The following MED12L variants were observed in gnomAD, a reference collection of about 807,000 sequenced individuals.
MED12L encodes the protein mediator of RNA polymerase II transcription subunit 12-like protein.
In MED12L, 60 loss-of-function variants were observed where a neutral mutation model predicts 281.3. The ratio of observed to expected loss-of-function variants is 0.21; its 90% CI spans 0.17 to 0.26. The LOEUF (loss-of-function observed/expected upper bound fraction) is 0.26. MED12L is among the 10% of genes least tolerant of loss of function. The pLI, the probability that MED12L is intolerant of heterozygous loss-of-function variation, is 1.00. For missense variants in MED12L, 2,146 were observed against 2,680.9 expected, an observed-to-expected ratio of 0.80 and a Z score of 4.41; for synonymous variants, 974 against 987.2, an observed-to-expected ratio of 0.99 and a Z score of 0.25.
At chr3:151,328,260 CAAA>C in intron 16 of MED12L, 1 of 1,613,966 alleles carries the variant, frequency 6.2e-7, no homozygotes, top group Non-Finnish European at 8.5e-7. Context: ...GCAAAACACA[CAAA>C]GAAGACAGCC....
chr3:151,225,679 G>A (rs764778187), intron 16 of MED12L, among the ~76,000 whole-genome samples: 3 of 152,114 alleles, frequency 2.0e-5, no homozygotes, highest in East Asian at 1.9e-4. Context: ...ACTCTTGTCC[G>A]TGCCCTGTCT....
intron 17 of MED12L, 133 bp downstream of exon 17, chr3:151,350,339 T>C (rs1753066427): frequency 1.4e-5 from 10 of 726,448 alleles, no homozygotes; most frequent in East Asian, 2.9e-5. Flanking sequence ...CATTGAAATG[T>C]GAACAAGCAC....
chr3:151,184,949 C>CAGTA (rs1486442989), intron 11 of MED12L, among the ~76,000 whole-genome samples: 1 of 152,136 alleles, frequency 6.6e-6, no homozygotes, highest in Non-Finnish European at 1.5e-5. Context: ...AGGGTGCCAA[C>CAGTA]AGTAGAGTGA....
At chr3:151,425,620 G>C (rs1043734922) in intron 43 of MED12L, 5 of 456,058 alleles carry the variant, frequency 1.1e-5, no homozygotes, top group Non-Finnish European at 2.2e-5. Flanking sequence ...GTATTTCCTG[G>C]AGAAGTGGTT....
At chr3:151,151,030 G>GTTTTTTTTTTTTT (rs1342933481) in intron 5 of MED12L, among the ~76,000 whole-genome samples, 7 of 11,802 alleles carry the variant, frequency 5.9e-4, no homozygotes, top group African/African-American at 8.5e-4. Context: ...TGCTGAAGTA[G>GTTTTTTTTTTTTT]CTTTTTTTTT....
rs1408514042 is a variant in MED12L at position 151,293,672 on chromosome 3, CACACA to C, written c.2251-56386_2251-56382del. Among the ~76,000 whole-genome samples, 72 of 140,146 alleles carry C rather than the reference CACACA, an allele frequency of 5.1e-4. 1 individual carries two copies. The highest frequency in any genetic ancestry group is 1.9e-3 in the African/African-American group (63 of 32,974). 91.9% of individuals were successfully genotyped at this position (140,146 alleles called of 152,430 possible). A position where few individuals can be genotyped will look rare whatever the true frequency, so the allele number is the denominator to read the frequency against. On this transcript the variant is annotated intron_variant, in intron 16 of 44. Transcript: ENST00000687756. ...ACACACACACACACACACACACACA[CACACA>C]CCCTCTACCTTCATTTCTATAGTGT...
intron 11 of MED12L, among the ~76,000 whole-genome samples, chr3:151,183,473 C>CACA (rs1313911558): frequency 6.6e-6 from 1 of 152,152 alleles, no homozygotes; most frequent in Admixed American, 6.5e-5. Context: ...GTGTGTACAC[C>CACA]GTGCTTGGTT....
At chr3:151,382,588 A>G (rs1006978377) in intron 32 of MED12L, 68 bp from the exon 33 acceptor site, 3 of 1,131,104 alleles carry the variant, frequency 2.7e-6, no homozygotes, top group Admixed American at 2.2e-5. Context: ...CTATCAGTAT[A>G]AAGCTCAATT....
intron 11 of MED12L, among the ~76,000 whole-genome samples, chr3:151,174,097 C>T (rs1468105775): frequency 6.6e-6 from 1 of 152,134 alleles, no homozygotes; most frequent in Non-Finnish European, 1.5e-5. Flanking sequence ...TTGAGCACCC[C>T]AGTTTGAAAA....
intron 16 of MED12L, among the ~76,000 whole-genome samples, chr3:151,339,190 G>A (rs1220311410): frequency 2.0e-5 from 3 of 152,024 alleles, no homozygotes; most frequent in African/African-American, 2.4e-5. Flanking sequence ...GAGAAATAAT[G>A]GGGCTGTGCT....
At position 151,331,962 on chromosome 3, in the gene MED12L, A is replaced by G. The variant is rs1230492701; in HGVS notation, c.2251-18097A>G. On this transcript the variant is annotated intron_variant, in intron 16 of 44. Transcript: ENST00000687756. ...TCACTCTCTTGCCTCCGATTAAGCC[A>G]TAGATAGGGTGACAGTGGAATTGTT... 7.9e-5 allele frequency among the ~76,000 whole-genome samples: 12 copies of G among 152,182 alleles called. 1 individual carries two copies.
At chr3:151,192,361 G>C (rs557765088) in intron 14 of MED12L, among the ~76,000 whole-genome samples, 189 bp from the exon 15 acceptor site, 10 of 152,302 alleles carry the variant, frequency 6.6e-5, no homozygotes, top group Admixed American at 3.3e-4. Flanking sequence ...ATTTTCTCAT[G>C]ATGAGGGAAA....
At chr3:151,406,257 T>C (rs988043075) in intron 39 of MED12L, among the ~76,000 whole-genome samples, 8 of 152,234 alleles carry the variant, frequency 5.3e-5, no homozygotes, top group Non-Finnish European at 8.8e-5. Flanking sequence ...TCCCACATTG[T>C]GGTTCTTATT....
intron 16 of MED12L, among the ~76,000 whole-genome samples, chr3:151,256,655 C>T (rs1213291149): frequency 6.6e-6 from 1 of 152,102 alleles, no homozygotes; most frequent in Non-Finnish European, 1.5e-5. Context: ...GCTTATTACA[C>T]TAAAGATGAG....
chr3:151,103,168 C>A (rs1721598165), intron 2 of MED12L, among the ~76,000 whole-genome samples: 1 of 135,006 alleles, frequency 7.4e-6, no homozygotes, highest in Admixed American at 7.3e-5. Flanking sequence ...AATAAACTAG[C>A]AAATACCTTA....
At position 151,399,242 on chromosome 3, in the gene MED12L, T is replaced by C. The variant is rs192322131; in HGVS notation, c.5820+4375T>C. Among the ~76,000 whole-genome samples, 145 of 152,358 alleles carry C rather than the reference T, an allele frequency of 9.5e-4. 1 individual carries two copies. The highest frequency in any genetic ancestry group is 4.6e-3 in the Admixed American group (71 of 15,300). ...GTAAAACAGCCCTTAGAACAGTGGATGGCTCATAGTAAGTGCTCAAAAAGT... is the reference window on the plus strand; with the variant it reads ...GTAAAACAGCCCTTAGAACAGTGGACGGCTCATAGTAAGTGCTCAAAAAGT... On this transcript the variant is annotated intron_variant, in intron 39 of 44. Coordinates refer to ENST00000687756, the MANE Select transcript of MED12L (RefSeq NM_001393769.1).
chr3:151,115,910 T>C (rs1712701680), intron 2 of MED12L, among the ~76,000 whole-genome samples: 1 of 151,264 alleles, frequency 6.6e-6, no homozygotes, highest in Non-Finnish European at 1.5e-5. Context: ...GTACAAAAAT[T>C]AGCCGGGCAT....
intron 17 of MED12L, among the ~76,000 whole-genome samples, chr3:151,350,917 GGTTT>G (rs1211608165): frequency 6.6e-6 from 1 of 151,970 alleles, no homozygotes; most frequent in Non-Finnish European, 1.5e-5. Flanking sequence ...TTCTTTTCAA[GGTTT>G]GTTTATTTCA....
chr3:151,404,902 T>C (rs1380180045), intron 39 of MED12L, among the ~76,000 whole-genome samples: 1 of 152,210 alleles, frequency 6.6e-6, no homozygotes, highest in African/African-American at 2.4e-5. Flanking sequence ...ATCTTCACAT[T>C]TTCTCATTTG....
Sources: allele counts gnomAD v4.1 joint callset (sites outside exome capture counted in the v4.1 genomes callset), GRCh38; gene constraint gnomAD v4.1.1; transcripts MANE v1.5; gene names NCBI Gene and HGNC (gene_info 2026-07-23, HGNC 2026-07-21).